The following CHRDL1 variants were observed in gnomAD, a reference collection of about 807,000 sequenced individuals.
CHRDL1 encodes chordin-like protein 1.
Under a neutral mutation model 40.9 loss-of-function variants are expected in CHRDL1, and 19 were observed. That is an observed-to-expected ratio of 0.46 (90% CI 0.32 to 0.68). The LOEUF is 0.68. Among genes scored for constraint, CHRDL1 ranks in the 30% least tolerant of loss-of-function variants. The pLI, the probability that CHRDL1 is intolerant of heterozygous loss-of-function variation, is 0.03. For synonymous variants in CHRDL1, 136 were observed against 123.4 expected (o/e 1.10, Z -0.68); for missense variants, 329 against 352.1 (o/e 0.93, Z 0.53).
intron 11 of CHRDL1, among the ~76,000 whole-genome samples, chrX:110,677,201 CCCT>C (rs1326935365): frequency 1.8e-5 from 2 of 111,550 alleles, no homozygotes; most frequent in Non-Finnish European, 3.8e-5. Context: ...GACCCACCTT[CCCT>C]ATGGGCCTGA....
intron 2 of CHRDL1, among the ~76,000 whole-genome samples, chrX:110,782,626 G>A (rs1029986794): frequency 1.8e-5 from 2 of 112,541 alleles, no homozygotes; most frequent in Admixed American, 1.9e-4. Context: ...ATAAAATAGT[G>A]CAGCTGGCAG....
rs371248868 is a variant in CHRDL1, at chrX:110,704,685, G to T, written c.542-3964C>A. ...AGAGCTGGGGACAGTGATTGAGCAG[G>T]GATGAGCTTAGATTTACTTGTCCCC... On this transcript the variant is annotated intron_variant, in intron 6 of 11. Coordinates refer to ENST00000372042, the MANE Select transcript of CHRDL1 (RefSeq NM_001143981.2). Among the ~76,000 whole-genome samples the T allele has an allele frequency of 9.9e-5, 11 of 111,570 alleles. No individual in the cohort carries two copies. In the East Asian group the frequency reaches 2.8e-3, roughly 28 times the overall value.
At chrX:110,707,515 A>G (rs1362432913) in intron 6 of CHRDL1, among the ~76,000 whole-genome samples, 3 of 111,857 alleles carry the variant, frequency 2.7e-5, no homozygotes, top group Non-Finnish European at 5.6e-5. Flanking sequence ...GATCTTTGAC[A>G]AACCTGAGAA....
chrX:110,676,924 C>A (rs991434267), intron 11 of CHRDL1, among the ~76,000 whole-genome samples: 1 of 110,981 alleles, frequency 9.0e-6, no homozygotes, highest in East Asian at 2.8e-4. Flanking sequence ...TCCTTATACC[C>A]CCTTAGCACC....
chrX:110,767,908 G>T (rs1165813743), intron 2 of CHRDL1, among the ~76,000 whole-genome samples: 5 of 111,592 alleles, frequency 4.5e-5, no homozygotes, highest in Non-Finnish European at 9.4e-5. Flanking sequence ...CCAAAAAAGA[G>T]CCTGCATAGC....
chrX:110,738,088 T>C (rs895554906), intron 4 of CHRDL1, among the ~76,000 whole-genome samples: 1 of 112,197 alleles, frequency 8.9e-6, no homozygotes, highest in Non-Finnish European at 1.9e-5. Context: ...ATACAAATCA[T>C]CTAATCCCTA....
At chrX:110,719,632 GT>G (rs77947691) in intron 6 of CHRDL1, among the ~76,000 whole-genome samples, 3,429 of 95,964 alleles carry the variant, frequency 0.036, 120 homozygotes, top group African/African-American at 0.1. Flanking sequence ...CCATCCTGTA[GT>G]TTTTTTTTTT....
At chrX:110,782,685 T>C (rs527417800) in intron 2 of CHRDL1, among the ~76,000 whole-genome samples, 1 of 112,592 alleles carries the variant, frequency 8.9e-6, no homozygotes, top group Non-Finnish European at 1.9e-5. Flanking sequence ...ACATAATGTA[T>C]AAAATAGTGC....
At chrX:110,697,260 A>G (rs1450705151) in intron 7 of CHRDL1, among the ~76,000 whole-genome samples, 1 of 110,450 alleles carries the variant, frequency 9.1e-6, no homozygotes, top group Non-Finnish European at 1.9e-5. Context: ...GACCCCCAAG[A>G]ATTTCATGTT....
At chrX:110,715,993 C>T (rs1262909679) in intron 6 of CHRDL1, among the ~76,000 whole-genome samples, 2 of 112,496 alleles carry the variant, frequency 1.8e-5, no homozygotes, top group Non-Finnish European at 3.8e-5. Context: ...GATCCAGGGC[C>T]TTACCAAAGC....
chrX:110,688,914 T>C, intron 8 of CHRDL1, 111 bp from the exon 9 acceptor site: 3 of 578,785 alleles, frequency 5.2e-6, no homozygotes, highest in Non-Finnish European at 8.4e-6. Flanking sequence ...TTTGTTCTTG[T>C]CATAGCCATG....
chrX:110,705,049 C>T (rs1432387335), intron 6 of CHRDL1, among the ~76,000 whole-genome samples: 2 of 109,334 alleles, frequency 1.8e-5, no homozygotes, highest in Non-Finnish European at 3.8e-5. Context: ...TCATTAAATA[C>T]TTATAGTCCA....
At position 110,679,319 on chromosome X, in the gene CHRDL1, A is replaced by G. The variant is rs747766921; in HGVS notation, c.1246+17T>C. 9.8e-6 allele frequency: 11 copies of G among 1,122,661 alleles called. No homozygotes were observed. In the Admixed American group the frequency reaches 2.4e-4, roughly 25 times the overall value. 92.5% of individuals were successfully genotyped at this position (1,122,661 alleles called of 1,213,427 possible). ...GAATGTGTTTTTCAGGGAGCAGTCAAGAGAAGTACTACTTACTCAGGGTTG... is the reference window on the plus strand; with the variant it reads ...GAATGTGTTTTTCAGGGAGCAGTCAGGAGAAGTACTACTTACTCAGGGTTG... On this transcript the variant is annotated intron_variant, in intron 11 of 11. Coordinates refer to ENST00000372042, the MANE Select transcript of CHRDL1 (RefSeq NM_001143981.2).
intron 3 of CHRDL1, 85 bp from the exon 4 acceptor site, chrX:110,759,839 G>A: frequency 1.6e-6 from 1 of 625,702 alleles, no homozygotes; most frequent in South Asian, 2.3e-5. Context: ...GTCATGCAGG[G>A]ACTCACCCAG....
intron 4 of CHRDL1, among the ~76,000 whole-genome samples, chrX:110,731,063 T>C (rs146377941): frequency 9.0e-6 from 1 of 111,354 alleles, no homozygotes; most frequent in East Asian, 2.8e-4. Flanking sequence ...GCTTCTGCGA[T>C]GGTAGAGCTT....
intron 4 of CHRDL1, among the ~76,000 whole-genome samples, chrX:110,738,659 G>A (rs763413338): frequency 5.2e-4 from 56 of 107,849 alleles, no homozygotes; most frequent in Admixed American, 9.9e-4. Context: ...GGAGAATGGC[G>A]TGAACCCGGG....
At chrX:110,767,795 C>G in intron 2 of CHRDL1, among the ~76,000 whole-genome samples, 1 of 110,739 alleles carries the variant, frequency 9.0e-6, no homozygotes, top group South Asian at 3.8e-4. Context: ...GTGAAAATGA[C>G]CATACTGACA....
chrX:110,786,242 TA>T, intron 2 of CHRDL1, among the ~76,000 whole-genome samples: 1 of 112,484 alleles, frequency 8.9e-6, no homozygotes, highest in African/African-American at 3.2e-5. Context: ...AACCAAATGT[TA>T]AAAACATCTA....
At chrX:110,746,305 C>A (rs889468353) in intron 4 of CHRDL1, among the ~76,000 whole-genome samples, 4 of 111,036 alleles carry the variant, frequency 3.6e-5, no homozygotes, top group African/African-American at 6.5e-5. Flanking sequence ...AGGAGTAAGG[C>A]AGCCTAATCA....
Sources: allele counts gnomAD v4.1 joint callset (sites outside exome capture counted in the v4.1 genomes callset), GRCh38; gene constraint gnomAD v4.1.1; transcripts MANE v1.5; gene names NCBI Gene and HGNC (gene_info 2026-07-23, HGNC 2026-07-21).